ATE1: variants seen among roughly 807,000 people sequenced by gnomAD.
The protein encoded by ATE1 is arginyltransferase 1, also known as arginyl-tRNA--protein transferase 1.
In ATE1, 36 loss-of-function variants were observed where a neutral mutation model predicts 70.5. The ratio of observed to expected loss-of-function variants is 0.51; its 90% CI spans 0.39 to 0.67. The LOEUF is 0.67. Among genes scored for constraint, ATE1 ranks in the 30% least tolerant of loss-of-function variants. The pLI is 0.00. For synonymous variants in ATE1, 232 were observed against 219.3 expected (o/e 1.06, Z -0.51); for missense variants, 593 against 629.5 (o/e 0.94, Z 0.62).
Position 121,841,233 on chromosome 10 carries a change from C to T in ATE1, c.1006G>A (p.Gly336Ser). The T allele has an allele frequency of 6.5e-7, 1 of 1,544,544 alleles. No individual in the cohort carries two copies. The highest frequency in any genetic ancestry group is 8.8e-7 in the Non-Finnish European group (1 of 1,139,438). ...TACTGCTGGTGAAAGGAGCCATAGC[C>T]ACAATCTGGCCCATTAGGGGGAGTC... The part of the protein sequence containing the change: ...AETPPNGPDC[G>S]YGSFHQQYWL... The change falls in exon 9 of 12, where the codon GGC becomes AGC. Residue 336 changes from glycine to serine, a missense_variant. Transcript: ENST00000224652.
chr10:121,927,202 G>T (rs1009010161), intron 1 of ATE1: 1 of 985,306 alleles, frequency 1.0e-6, no homozygotes, highest in Non-Finnish European at 1.2e-6. Context: ...CTTGTGGGCT[G>T]GCTTTGCTGT....
rs1003170994 is a variant in ATE1 at position 121,765,050 on chromosome 10, G to C, written c.1379-21192C>G. Among the ~76,000 whole-genome samples the C allele has an allele frequency of 2.0e-5, 3 of 152,132 alleles. No homozygotes were observed. In the East Asian group the frequency reaches 5.8e-4, roughly 29 times the overall value. On this transcript the variant is annotated intron_variant, in intron 11 of 11. Transcript: ENST00000224652. ...TCTGTCCATTCAGACTTCATTGAAA[G>C]AGAGTGCTTACTGCTGCTTTTACCA... is the stretch of plus-strand genomic sequence containing the variant.
chr10:121,764,105 A>G (rs1219756628), intron 11 of ATE1, among the ~76,000 whole-genome samples: 2 of 152,152 alleles, frequency 1.3e-5, no homozygotes, highest in African/African-American at 2.4e-5. Flanking sequence ...TAATAAATGT[A>G]GCACACCAAT....
chr10:121,766,984 C>T (rs1041902870), intron 11 of ATE1, among the ~76,000 whole-genome samples: 3 of 152,104 alleles, frequency 2.0e-5, no homozygotes, highest in Admixed American at 6.5e-5. Flanking sequence ...AAAGACAGAA[C>T]CAAAAACCAG....
In ATE1 at chr10:121,790,147, C is replaced by A. The variant is rs750834320; in HGVS notation, c.1378+22G>T. 1.9e-6 allele frequency: 3 copies of A among 1,613,470 alleles called. No individual in the cohort carries two copies. The East Asian group carries it at 6.7e-5, about 36-fold the overall frequency. ...TAAAAACAAAGCCAATGATTTCCAG[C>A]TGAGCTCAGCTCCAAACATACCTGC... On this transcript the variant is annotated intron_variant, in intron 11 of 11. Transcript: ENST00000224652.
intron 10 of ATE1, among the ~76,000 whole-genome samples, chr10:121,832,532 GT>G (rs61661151): frequency 0.089 from 13,494 of 152,164 alleles, 1,877 homozygotes; most frequent in African/African-American, 0.3. Context: ...CAAGGGGGTG[GT>G]TCCCCCCATA....
At chr10:121,779,357 C>T (rs1945882371) in intron 11 of ATE1, among the ~76,000 whole-genome samples, 1 of 152,182 alleles carries the variant, frequency 6.6e-6, no homozygotes, top group Admixed American at 6.5e-5. Flanking sequence ...TCTCATTCTT[C>T]TCAGCAGCTA....
intron 1 of ATE1, among the ~76,000 whole-genome samples, chr10:121,925,386 C>G (rs557538538): frequency 8.0e-5 from 12 of 149,708 alleles, no homozygotes; most frequent in African/African-American, 2.7e-4. Context: ...AGCCATTGCA[C>G]TCCACACTCC....
At chr10:121,791,905 C>T (rs1012697558) in intron 10 of ATE1, among the ~76,000 whole-genome samples, 5 of 152,150 alleles carry the variant, frequency 3.3e-5, no homozygotes, top group African/African-American at 4.8e-5. Context: ...CCTAAGAGCT[C>T]GGCAGTGATT....
At chr10:121,864,716 T>C (rs910561543) in intron 8 of ATE1, among the ~76,000 whole-genome samples, 1 of 152,220 alleles carries the variant, frequency 6.6e-6, no homozygotes, top group Non-Finnish European at 1.5e-5. Flanking sequence ...TATCATTAAA[T>C]TGGCTTATTA....
intron 7 of ATE1, among the ~76,000 whole-genome samples, chr10:121,884,461 T>C (rs141627265): frequency 1.1e-4 from 16 of 152,128 alleles, no homozygotes; most frequent in Non-Finnish European, 2.4e-4. Context: ...TGGTGGCGTA[T>C]GTCTGTAGTG....
At chr10:121,880,143 T>C (rs1179473619) in intron 7 of ATE1, among the ~76,000 whole-genome samples, 1 of 152,198 alleles carries the variant, frequency 6.6e-6, no homozygotes, top group African/African-American at 2.4e-5. Context: ...AGCTATTTGA[T>C]TATTATTAAG....
intron 11 of ATE1, among the ~76,000 whole-genome samples, chr10:121,768,023 A>T (rs1945347631): frequency 6.6e-6 from 1 of 152,372 alleles, no homozygotes; most frequent in South Asian, 2.1e-4. Flanking sequence ...CCTTTAAAAG[A>T]GGTAAAATTC....
intron 10 of ATE1, among the ~76,000 whole-genome samples, chr10:121,803,276 G>A (rs780347098): frequency 2.6e-5 from 4 of 152,086 alleles, no homozygotes; most frequent in Non-Finnish European, 5.9e-5. Flanking sequence ...CTGTCCAATC[G>A]TATTTCTTAA....
chr10:121,866,264 G>T (rs1056023915), intron 8 of ATE1, among the ~76,000 whole-genome samples: 1 of 152,110 alleles, frequency 6.6e-6, no homozygotes, highest in Non-Finnish European at 1.5e-5. Context: ...CTGTGGAATT[G>T]CAAACTAGAA....
chr10:121,750,574 C>T (rs1944538778), intron 11 of ATE1, among the ~76,000 whole-genome samples: 1 of 152,164 alleles, frequency 6.6e-6, no homozygotes, highest in Non-Finnish European at 1.5e-5. Context: ...ATGAAATGCA[C>T]AATACAGGTG....
At chr10:121,786,202 GTTTTTTTTTTTTTTTTTTTT>G (rs66781912) in intron 11 of ATE1, among the ~76,000 whole-genome samples, 1 of 84,496 alleles carries the variant, frequency 1.2e-5, no homozygotes, top group Non-Finnish European at 2.1e-5. Context: ...GCTCAAGAAA[GTTTTTTTTTTTTTTTTTTTT>G]TTTTTTTTTT....
rs377482651 is a variant in ATE1, at chr10:121,743,643, A to G, written c.*37T>C. 6.5e-7 allele frequency: 1 copy of G among 1,540,902 alleles called. No homozygotes were observed. The highest frequency in any genetic ancestry group is 1.9e-4 in the Middle Eastern group (1 of 5,134). On this transcript the variant is annotated 3_prime_UTR_variant, in exon 12 of 12. Coordinates refer to ENST00000224652, the MANE Select transcript of ATE1 (RefSeq NM_001001976.3). ...AATATGTATCCTGGCACAAATCATC[A>G]GCACAACACAGGAACTTCCCGGCAG...
intron 11 of ATE1, among the ~76,000 whole-genome samples, chr10:121,779,563 T>G (rs1233198403): frequency 6.6e-6 from 1 of 152,196 alleles, no homozygotes; most frequent in Non-Finnish European, 1.5e-5. Context: ...TTCCTATCTG[T>G]GTTCTTGATC....
Sources: gnomAD v4.1 joint callset for allele counts (sites outside exome capture counted in the v4.1 genomes callset) on GRCh38, gnomAD v4.1.1 for gene constraint, MANE v1.5 for transcripts, NCBI Gene and HGNC (gene_info 2026-07-23, HGNC 2026-07-21) for gene names.